RBFOX1: variants seen among roughly 807,000 people sequenced by gnomAD.
The protein encoded by RBFOX1 is RNA binding protein fox-1 homolog 1.
In RBFOX1, 8 loss-of-function variants were observed where a neutral mutation model predicts 57.7. The ratio of observed to expected loss-of-function variants is 0.14; its 90% CI spans 0.08 to 0.25. RBFOX1 has a LOEUF of 0.25. RBFOX1 is among the 10% of genes least tolerant of loss of function. The pLI is 1.00. For missense variants in RBFOX1, 611 were observed against 548.5 expected (o/e 1.11, Z -1.14); for synonymous variants, 326 against 222.4 (o/e 1.47, Z -4.15).
chr16:7,687,551 T>C (rs1463348292), intron 14 of RBFOX1, among the ~76,000 whole-genome samples: 1 of 152,042 alleles, frequency 6.6e-6, no homozygotes, highest in Admixed American at 6.6e-5. Context: ...ACATCCTATC[T>C]GCATATTATG....
intron 1 of RBFOX1, among the ~76,000 whole-genome samples, chr16:6,184,641 C>T (rs2097093230): frequency 3.3e-5 from 5 of 152,252 alleles, no homozygotes. Flanking sequence ...TTCACTGCAA[C>T]CTCCGCCTCC....
chr16:7,177,581 A>G (rs1221362471), intron 4 of RBFOX1, among the ~76,000 whole-genome samples: 1 of 152,142 alleles, frequency 6.6e-6, no homozygotes, highest in South Asian at 2.1e-4. Context: ...TTTCACAGGC[A>G]CTACCTTTGT....
At chr16:7,032,885 C>T (rs1307483255) in intron 3 of RBFOX1, among the ~76,000 whole-genome samples, 1 of 152,162 alleles carries the variant, frequency 6.6e-6, no homozygotes, top group Non-Finnish European at 1.5e-5. Context: ...CAAATTTCTG[C>T]AGCTGAGAGC....
intron 3 of RBFOX1, among the ~76,000 whole-genome samples, chr16:6,833,676 G>A (rs1313374173): frequency 2.0e-5 from 3 of 152,192 alleles, no homozygotes; most frequent in Admixed American, 2.0e-4. Flanking sequence ...AGAATTGACT[G>A]GATGCCAAAT....
At chr16:6,569,119 T>C (rs909633660) in intron 2 of RBFOX1, among the ~76,000 whole-genome samples, 4 of 152,186 alleles carry the variant, frequency 2.6e-5, no homozygotes, top group African/African-American at 9.6e-5. Flanking sequence ...TTGAATACTC[T>C]CTCTGCCTCT....
chr16:5,528,702 T>C (rs1488625507), intron 2 of RBFOX1, among the ~76,000 whole-genome samples: 2 of 150,540 alleles, frequency 1.3e-5, no homozygotes, highest in African/African-American at 4.9e-5. Flanking sequence ...CAGGCTGGAC[T>C]GCAGTGGCGC....
intron 4 of RBFOX1, among the ~76,000 whole-genome samples, chr16:7,471,301 T>C (rs2150931263): frequency 6.6e-6 from 1 of 152,356 alleles, no homozygotes; most frequent in South Asian, 2.1e-4. Context: ...GCAATCTCTT[T>C]AAAATACCTT....
chr16:6,373,202 G>A (rs1195763236), intron 2 of RBFOX1, among the ~76,000 whole-genome samples: 1 of 151,856 alleles, frequency 6.6e-6, no homozygotes, highest in Non-Finnish European at 1.5e-5. Flanking sequence ...CAGCGGAAGT[G>A]TATAGTTGGA....
chr16:6,680,111 G>A (rs576910492), intron 3 of RBFOX1, among the ~76,000 whole-genome samples: 1 of 151,928 alleles, frequency 6.6e-6, no homozygotes, highest in African/African-American at 2.4e-5. Flanking sequence ...TTTCTCATCT[G>A]TAAAATGGGG....
chr16:7,279,754 C>T (rs1028152594), intron 4 of RBFOX1, among the ~76,000 whole-genome samples: 3 of 152,210 alleles, frequency 2.0e-5, no homozygotes, highest in Admixed American at 2.0e-4. Context: ...ATGAGTGCTT[C>T]TCTGGAAAGA....
chr16:6,592,722 C>G (rs1040630183), intron 2 of RBFOX1, among the ~76,000 whole-genome samples: 1 of 152,106 alleles, frequency 6.6e-6, no homozygotes, highest in Non-Finnish European at 1.5e-5. Context: ...GTGTACCCAC[C>G]TGTGTGTAGA....
intron 1 of RBFOX1, among the ~76,000 whole-genome samples, chr16:6,309,212 A>G (rs2079932303): frequency 6.6e-6 from 1 of 152,088 alleles, no homozygotes. Context: ...TACTGGGTCT[A>G]GCTAAAGTTT....
At chr16:7,430,185 AATAATGTTCCATTGGCCC>A (rs2098665147) in intron 4 of RBFOX1, among the ~76,000 whole-genome samples, 1 of 152,230 alleles carries the variant, frequency 6.6e-6, no homozygotes, top group Admixed American at 6.5e-5. Context: ...TTTTTGGATA[AATAATGTTCCATTGGCCC>A]ACAGTAACTA....
At chr16:6,534,412 T>C (rs563505843) in intron 2 of RBFOX1, among the ~76,000 whole-genome samples, 2 of 152,284 alleles carry the variant, frequency 1.3e-5, no homozygotes, top group South Asian at 4.1e-4. Context: ...GGATAGTGAT[T>C]GTCTTTCACC....
chr16:6,041,234 C>T (rs1219747443), intron 1 of RBFOX1, among the ~76,000 whole-genome samples: 1 of 152,104 alleles, frequency 6.6e-6, no homozygotes, highest in Admixed American at 6.5e-5. Flanking sequence ...ATGACCTAGT[C>T]TCAGAGTCAA....
intron 3 of RBFOX1, among the ~76,000 whole-genome samples, chr16:6,951,705 A>T (rs1391116326): frequency 6.6e-6 from 1 of 152,044 alleles, no homozygotes; most frequent in African/African-American, 2.4e-5. Context: ...GTCCACCCAG[A>T]TTCAAGGAGA....
chr16:7,021,941 TTC>T (rs1320193472), intron 3 of RBFOX1, among the ~76,000 whole-genome samples: 5 of 144,418 alleles, frequency 3.5e-5, no homozygotes, highest in Non-Finnish European at 6.0e-5. Flanking sequence ...TTTCTTTTCT[TTC>T]TTTCTTTTCT....
At position 5,749,975 on chromosome 16, in the gene RBFOX1, T is replaced by A. The variant is rs371039593; in HGVS notation, c.319-117328T>A. On this transcript the variant is annotated intron_variant, in intron 3 of 19. Coordinates refer to the RBFOX1 transcript ENST00000641259. ...TAGAATTTTCAGCTTTTCTGCTCTGTTTTTTCCCCATCTTTGTGGTTTTAT... is the reference window on the plus strand; with the variant it reads ...TAGAATTTTCAGCTTTTCTGCTCTGATTTTTCCCCATCTTTGTGGTTTTAT... Among the ~76,000 whole-genome samples the A allele has an allele frequency of 9.2e-5, 14 of 152,316 alleles. No homozygotes were observed. In the South Asian group the frequency reaches 2.3e-3, roughly 25 times the overall value.
chr16:6,226,523 C>G (rs1357886943), intron 1 of RBFOX1, among the ~76,000 whole-genome samples: 1 of 151,990 alleles, frequency 6.6e-6, no homozygotes, highest in Non-Finnish European at 1.5e-5. Context: ...AAGCGGTGTT[C>G]AAGTTTTCAA....
Sources: allele counts gnomAD v4.1 joint callset (sites outside exome capture counted in the v4.1 genomes callset), GRCh38; gene constraint gnomAD v4.1.1; transcripts MANE v1.5; gene names NCBI Gene and HGNC (gene_info 2026-07-23, HGNC 2026-07-21).